The following VAC14 variants were observed in gnomAD, a reference collection of about 807,000 sequenced individuals.
VAC14 encodes VAC14 component of PIKFYVE complex.
Under a neutral mutation model 85.3 loss-of-function variants are expected in VAC14, and 47 were observed. The ratio of observed to expected loss-of-function variants is 0.55; its 90% CI spans 0.44 to 0.70. The LOEUF (loss-of-function observed/expected upper bound fraction) is 0.70, where lower values mean the gene tolerates loss of function less well. Among genes scored for constraint, VAC14 ranks in the 30% least tolerant of loss-of-function variants. The pLI is 0.00. For synonymous variants in VAC14, 447 were observed against 430.5 expected (o/e 1.04, Z -0.47); for missense variants, 861 against 1,004.3 (o/e 0.86, Z 1.93).
chr16:70,778,945 CT>C (rs1356791179), intron 9 of VAC14: 3 of 152,214 alleles, frequency 2.0e-5, no homozygotes, highest in Non-Finnish European at 4.4e-5. Flanking sequence ...AAAAAAGCTC[CT>C]CCCTTTGAAG....
At chr16:70,705,157 G>A (rs1056845970) in intron 14 of VAC14, among the ~76,000 whole-genome samples, 7 of 152,302 alleles carry the variant, frequency 4.6e-5, no homozygotes, top group South Asian at 4.1e-4. Flanking sequence ...CTGTTAGGAC[G>A]CTGAGCCATC....
intron 9 of VAC14, chr16:70,778,344 A>G (rs2033630367): frequency 6.6e-6 from 1 of 152,004 alleles, no homozygotes; most frequent in African/African-American, 2.4e-5. Flanking sequence ...GTTCCTTTCT[A>G]GCGGGCTTGA....
At position 70,801,005 on chromosome 16, in the gene VAC14, G is replaced by T; in HGVS notation, c.-105C>A. 1 of 704,164 alleles carries T rather than the reference G, an allele frequency of 1.4e-6. No homozygotes were observed. The highest frequency in any genetic ancestry group is 1.9e-5 in the African/African-American group (1 of 52,386). The allele number at this position is 704,164 out of a possible 1,614,324, so 43.6% of individuals were successfully genotyped here. A position where few individuals can be genotyped will look rare whatever the true frequency, so the allele number is the denominator to read the frequency against. Reference sequence around the variant, plus strand: ...CGCTCTGCCCCCGGCGCCGGCGCATGGACCACGCCGCTCTAGGCTTGCCTG... The same window carrying T: ...CGCTCTGCCCCCGGCGCCGGCGCATTGACCACGCCGCTCTAGGCTTGCCTG... On this transcript the variant is annotated 5_prime_UTR_variant, in exon 1 of 19. Coordinates refer to ENST00000261776, the MANE Select transcript of VAC14 (RefSeq NM_018052.5).
At chr16:70,790,540 G>A (rs1190119070) in intron 1 of VAC14, among the ~76,000 whole-genome samples, 1 of 152,184 alleles carries the variant, frequency 6.6e-6, no homozygotes, top group Non-Finnish European at 1.5e-5. Context: ...GGGTGGTATG[G>A]GTTTGAATGG....
chr16:70,785,627 T>C, intron 3 of VAC14, 75 bp downstream of exon 3: 4 of 1,469,030 alleles, frequency 2.7e-6, no homozygotes, highest in Non-Finnish European at 3.6e-6. Flanking sequence ...GGAAAAGGGG[T>C]CCAAGGTTCC....
chr16:70,743,564 C>T (rs932237774), intron 13 of VAC14, among the ~76,000 whole-genome samples: 3 of 152,310 alleles, frequency 2.0e-5, no homozygotes, highest in Non-Finnish European at 2.9e-5. Flanking sequence ...GAAGAAACTC[C>T]GGACACATCT....
intron 1 of VAC14, among the ~76,000 whole-genome samples, chr16:70,797,304 C>G (rs545830427): frequency 1.3e-5 from 2 of 152,138 alleles, no homozygotes; most frequent in East Asian, 1.9e-4. Flanking sequence ...GACACTGACT[C>G]TTCTGGTTAG....
In VAC14 at chr16:70,753,477, C is replaced by T. The variant is rs148917786; in HGVS notation, c.1372-8898G>A. ...ATTTTGGCTTCTGAGGACGCAGGAA[C>T]GCTAAGTGGGGTGAAAACCGGGGGC... On this transcript the variant is annotated intron_variant, in intron 12 of 18. Transcript: ENST00000261776. Among the ~76,000 whole-genome samples the T allele has an allele frequency of 8.1e-3, 1,240 of 152,296 alleles. 9 individuals carry two copies. Among genetic ancestry groups the T allele is most frequent in the Non-Finnish European group, 0.012 (787 of 68,022 alleles).
rs533413078 is a variant in VAC14 at position 70,704,586 on chromosome 16, A to C, written c.1662-5775T>G. 6.1e-3 allele frequency among the ~76,000 whole-genome samples: 925 copies of C among 152,276 alleles called. 6 individuals carry two copies. The highest frequency in any genetic ancestry group is 9.6e-3 in the Non-Finnish European group (653 of 68,000). ...TGGCTGTGGCCAGTGGCCTCTCCCC[A>C]CCTGGTTAGTTCCTGCAGGCCTGGA... On this transcript the variant is annotated intron_variant, in intron 14 of 18. Transcript: ENST00000261776.
chr16:70,779,793 CTG>C (rs2033715684), intron 9 of VAC14, among the ~76,000 whole-genome samples: 2 of 152,062 alleles, frequency 1.3e-5, no homozygotes, highest in Non-Finnish European at 2.9e-5. Flanking sequence ...TAGATTACAT[CTG>C]GAGTCAAATT....
Position 70,698,628 on chromosome 16 carries a change from G to C in VAC14, c.1836+9C>G, listed in dbSNP as rs111358571. 6.2e-7 allele frequency: 1 copy of C among 1,613,810 alleles called. No individual in the cohort carries two copies. Among genetic ancestry groups the C allele is most frequent in the Admixed American group, 1.7e-5 (1 of 60,020 alleles). ...GACGCCTGAGGATGGAGTCCCGGAC[G>C]CAGCCTACCAGGGTCTTCAGGTCCT... On this transcript the variant is annotated intron_variant, in intron 15 of 18. Transcript: ENST00000261776.
chr16:70,759,338 A>G (rs1393489168), intron 12 of VAC14, among the ~76,000 whole-genome samples: 6 of 152,226 alleles, frequency 3.9e-5, no homozygotes, highest in African/African-American at 7.2e-5. Flanking sequence ...TTCAAAGTAC[A>G]CATACCAGCT....
intron 5 of VAC14, 146 bp from the exon 6 acceptor site, chr16:70,783,700 G>A: frequency 1.3e-6 from 1 of 768,656 alleles, no homozygotes; most frequent in Non-Finnish European, 2.1e-6. Flanking sequence ...GGAGGAGGGT[G>A]CTGGCAAGGA....
intron 14 of VAC14, among the ~76,000 whole-genome samples, chr16:70,728,820 C>A (rs1045556374): frequency 3.3e-5 from 5 of 152,226 alleles, no homozygotes; most frequent in Non-Finnish European, 5.9e-5. Flanking sequence ...GTCGTCCAGG[C>A]AAGGAGAGCT....
Position 70,762,601 on chromosome 16 carries a change from A to G in VAC14, c.1310T>C (p.Phe437Ser), listed in dbSNP as rs1366222739. The change falls in exon 12 of 19, where the codon TTC (phenylalanine) becomes TCC (serine). Residue 437 changes from phenylalanine to serine, a missense_variant. This residue lies in a region of VAC14 where 629 missense variants were observed against 703.1 expected (regional missense o/e 0.89). Transcript: ENST00000261776. The surrounding 1 kb of genome is among the most constrained non-coding windows in gnomAD (Gnocchi z 4.1). ...GGGAAAGAGGCTGTCCGTGTGCCGG[A>G]ACATCTGGAGGGCAGAGAAGCAGGG... The part of the protein sequence containing the change: ...HLYIKTPRKM[F>S]RHTDSLFPIL... 1.2e-6 allele frequency: 2 copies of G among 1,614,106 alleles called. No homozygotes were observed. Among genetic ancestry groups the G allele is most frequent in the South Asian group, 1.1e-5 (1 of 91,034 alleles).
chr16:70,693,401 AC>A (rs1477764782), intron 17 of VAC14, among the ~76,000 whole-genome samples: 1 of 152,222 alleles, frequency 6.6e-6, no homozygotes, highest in Admixed American at 6.5e-5. Flanking sequence ...ACGTGCCAGC[AC>A]GGGAGAGCTA....
chr16:70,790,696 A>G (rs2034295452), intron 1 of VAC14, among the ~76,000 whole-genome samples: 1 of 152,146 alleles, frequency 6.6e-6, no homozygotes, highest in South Asian at 2.1e-4. Context: ...GCAAAGAGCA[A>G]ATGTCTTCTT....
intron 13 of VAC14, among the ~76,000 whole-genome samples, chr16:70,732,260 A>G (rs1378748848): frequency 6.6e-6 from 1 of 152,222 alleles, no homozygotes; most frequent in Non-Finnish European, 1.5e-5. Context: ...TTACTTTTGA[A>G]ATCAAAAGTT....
At chr16:70,688,326 C>T (rs1359632655) in intron 18 of VAC14, 6 of 1,182,144 alleles carry the variant, frequency 5.1e-6, no homozygotes, top group East Asian at 3.7e-5. Flanking sequence ...CTATTGCCCT[C>T]GGCCTGTGGG....
Sources: gnomAD v4.1 joint callset for allele counts (sites outside exome capture counted in the v4.1 genomes callset) on GRCh38, gnomAD v4.1.1 for gene constraint, gnomAD v4.1.1 regional missense constraint, Gnocchi (gnomAD v3.1) non-coding constraint, MANE v1.5 for transcripts, NCBI Gene and HGNC (gene_info 2026-07-23, HGNC 2026-07-21) for gene names.